Variants in DTNA observed in about 807,000 individuals in gnomAD.
The protein encoded by DTNA is dystrophin-related protein 3.
Under a neutral mutation model 100.7 loss-of-function variants are expected in DTNA, and 43 were observed. That is an observed-to-expected ratio of 0.43 (90% CI 0.33 to 0.55). DTNA has a LOEUF of 0.55. Among genes scored for constraint, DTNA ranks in the 20% least tolerant of loss-of-function variants. The probability of loss-of-function intolerance (pLI) is 0.04; values close to 1 mark genes in which losing one functional copy is unlikely to be tolerated. For synonymous variants in DTNA, 349 were observed against 347.9 expected (o/e 1.00, Z -0.04); for missense variants, 798 against 953.9 (o/e 0.84, Z 2.15).
At chr18:34,634,275 T>A (rs1275321222) in intron 1 of DTNA, among the ~76,000 whole-genome samples, 2 of 152,186 alleles carry the variant, frequency 1.3e-5, no homozygotes, top group Non-Finnish European at 2.9e-5. Context: ...TAAAAATTAT[T>A]CAAAGGACTT....
At chr18:34,601,308 T>A (rs1246920245) in intron 1 of DTNA, among the ~76,000 whole-genome samples, 1 of 152,222 alleles carries the variant, frequency 6.6e-6, no homozygotes, top group African/African-American at 2.4e-5. Context: ...TCTAGGTCAC[T>A]GGTCATTGCT....
At position 34,889,788 on chromosome 18, in the gene DTNA, C is replaced by T; in HGVS notation, c.*2054C>T. ...AACTCACCTGACAAATGTCTCTGAG[C>T]ACAGGCTGACACCAAAGTGGCACAA... On this transcript the variant is annotated 3_prime_UTR_variant, in exon 23 of 23. Transcript: ENST00000444659. 1 of 987,020 alleles carries T rather than the reference C, an allele frequency of 1.0e-6. No individual in the cohort carries two copies. Among genetic ancestry groups the T allele is most frequent in the African/African-American group, 1.7e-5 (1 of 57,382 alleles). 61.1% of individuals were successfully genotyped at this position (987,020 alleles called of 1,614,324 possible).
intron 1 of DTNA, among the ~76,000 whole-genome samples, chr18:34,494,407 G>A (rs2038951150): frequency 6.6e-6 from 1 of 152,066 alleles, no homozygotes; most frequent in Non-Finnish European, 1.5e-5. Flanking sequence ...GAGTGTCTTC[G>A]GCTTTTATAG....
intron 1 of DTNA, among the ~76,000 whole-genome samples, chr18:34,650,602 C>A (rs2060333265): frequency 2.0e-5 from 3 of 152,140 alleles, no homozygotes; most frequent in African/African-American, 7.2e-5. Flanking sequence ...CCTGTGGCAC[C>A]TTCAGGCACT....
chr18:34,708,328 T>C (rs1187348045), upstream of DTNA: 1 of 152,202 alleles, frequency 6.6e-6, no homozygotes, highest in African/African-American at 2.4e-5. Context: ...ATGTATATAA[T>C]TTATATTTTA....
At chr18:34,515,634 G>T (rs960117488) in intron 1 of DTNA, among the ~76,000 whole-genome samples, 1 of 152,048 alleles carries the variant, frequency 6.6e-6, no homozygotes, top group Non-Finnish European at 1.5e-5. Context: ...GCTGTGTTAC[G>T]TTTCCAGTTT....
At chr18:34,818,699 A>G in intron 8 of DTNA, 2 of 1,052,068 alleles carry the variant, frequency 1.9e-6, no homozygotes, top group Non-Finnish European at 2.4e-6. Flanking sequence ...CTTAAAAATT[A>G]TTGTTAGTTT....
intron 1 of DTNA, among the ~76,000 whole-genome samples, chr18:34,651,333 T>C (rs762701938): frequency 3.9e-5 from 6 of 152,196 alleles, no homozygotes; most frequent in Non-Finnish European, 8.8e-5. Context: ...TTGAAAAGTA[T>C]TAGCACAGTG....
intron 1 of DTNA, among the ~76,000 whole-genome samples, chr18:34,514,457 G>C (rs2145011310): frequency 6.6e-6 from 1 of 152,190 alleles, no homozygotes; most frequent in Middle Eastern, 3.4e-3. Context: ...TCATCGATAT[G>C]ACACATAAGG....
rs1602741888 is a variant in DTNA, at chr18:34,825,199, A to G, written c.1002-2394A>G. The G allele has an allele frequency of 8.1e-6, 13 of 1,601,016 alleles. 1 individual carries two copies. In the South Asian group the frequency reaches 8.8e-5, roughly 11 times the overall value. On this transcript the variant is annotated intron_variant, in intron 9 of 22. Coordinates refer to ENST00000444659, the MANE Select transcript of DTNA (RefSeq NM_001386795.1). The stretch of plus-strand genomic sequence containing the variant: ...GGTATTTTGACATTTGTTCTTAGCT[A>G]TTGTATTGCTTGTAAATATTACCAT...
chr18:34,766,147 T>G, intron 3 of DTNA, 106 bp downstream of exon 3: 3 of 1,255,488 alleles, frequency 2.4e-6, no homozygotes, highest in Non-Finnish European at 3.4e-6. Flanking sequence ...GCTAATATTG[T>G]TATATATGTT....
At chr18:34,713,409 G>A (rs891856444) in intron 1 of DTNA, among the ~76,000 whole-genome samples, 4 of 152,110 alleles carry the variant, frequency 2.6e-5, no homozygotes, top group African/African-American at 7.2e-5. Flanking sequence ...TGTTCAATAA[G>A]CGATAGAGGC....
intron 1 of DTNA, among the ~76,000 whole-genome samples, chr18:34,682,393 G>A (rs1438108740): frequency 2.6e-5 from 4 of 152,152 alleles, no homozygotes; most frequent in African/African-American, 9.7e-5. Flanking sequence ...TAATACCAAG[G>A]AGTGTAATTG....
intron 5 of DTNA, among the ~76,000 whole-genome samples, chr18:34,810,744 C>T (rs949218): frequency 0.01 from 1,522 of 152,192 alleles, 14 homozygotes; most frequent in Non-Finnish European, 0.015. Flanking sequence ...ATGAAGGTAA[C>T]GCCCATTATC....
chr18:34,885,595 C>A (rs889772604), intron 22 of DTNA, among the ~76,000 whole-genome samples: 11 of 152,168 alleles, frequency 7.2e-5, no homozygotes, highest in African/African-American at 9.7e-5. Context: ...TTCCTCTATA[C>A]AACATATTGC....
intron 1 of DTNA, among the ~76,000 whole-genome samples, chr18:34,595,873 T>A (rs2050494930): frequency 6.6e-6 from 1 of 152,182 alleles, no homozygotes; most frequent in Admixed American, 6.5e-5. Flanking sequence ...TGATGTTCCC[T>A]GAATCACCTC....
At chr18:34,613,893 G>T (rs1599060979) in intron 1 of DTNA, among the ~76,000 whole-genome samples, 1 of 152,324 alleles carries the variant, frequency 6.6e-6, no homozygotes, top group East Asian at 1.9e-4. Context: ...CTAAGCAACA[G>T]ATTTTCAATT....
At chr18:34,856,456 C>G (rs2096553707) in intron 15 of DTNA, among the ~76,000 whole-genome samples, 1 of 152,190 alleles carries the variant, frequency 6.6e-6, no homozygotes, top group African/African-American at 2.4e-5. Flanking sequence ...TTCCTTATAG[C>G]ACCTTTGGTG....
At chr18:34,549,017 C>G (rs2045106013) in intron 1 of DTNA, among the ~76,000 whole-genome samples, 1 of 152,066 alleles carries the variant, frequency 6.6e-6, no homozygotes, top group Non-Finnish European at 1.5e-5. Flanking sequence ...CTTATTCCCA[C>G]CTTAATAAGT....
Sources: gnomAD v4.1 joint callset for allele counts (sites outside exome capture counted in the v4.1 genomes callset) on GRCh38, gnomAD v4.1.1 for gene constraint, MANE v1.5 for transcripts, NCBI Gene and HGNC (gene_info 2026-07-23, HGNC 2026-07-21) for gene names.